GRID2: variants seen among roughly 807,000 people sequenced by gnomAD.
GRID2 encodes the protein glutamate receptor ionotropic, delta-2.
A neutral mutation model predicts 114.8 loss-of-function variants in GRID2; 33 were observed. The ratio of observed to expected loss-of-function variants is 0.29; its 90% CI spans 0.22 to 0.38. GRID2 has a LOEUF of 0.38. Among genes scored for constraint, GRID2 ranks in the 10% least tolerant of loss-of-function variants. The probability of loss-of-function intolerance (pLI) is 1.00; values close to 1 mark genes in which losing one functional copy is unlikely to be tolerated. For missense variants in GRID2, 1,184 were observed against 1,257.7 expected, an observed-to-expected ratio of 0.94 and a Z score of 0.89; for synonymous variants, 505 against 449.9, an observed-to-expected ratio of 1.12 and a Z score of -1.55.
intron 8 of GRID2, among the ~76,000 whole-genome samples, chr4:93,382,394 T>C (rs1449771046): frequency 6.6e-6 from 1 of 151,992 alleles, no homozygotes; most frequent in East Asian, 1.9e-4. Context: ...GTACCAATGG[T>C]TCCTTATTCT....
chr4:93,028,645 T>A (rs1724109723), intron 2 of GRID2, among the ~76,000 whole-genome samples: 1 of 152,084 alleles, frequency 6.6e-6, no homozygotes, highest in African/African-American at 2.4e-5. Flanking sequence ...CATTAGATCA[T>A]GTGTAATGAT....
chr4:93,018,004 A>G (rs577426657), intron 2 of GRID2, among the ~76,000 whole-genome samples: 8 of 151,296 alleles, frequency 5.3e-5, no homozygotes, highest in Non-Finnish European at 7.4e-5. Flanking sequence ...TTGGAGGATT[A>G]CAATCTAATT....
At chr4:92,450,733 CTCTT>C (rs1381113453) in intron 1 of GRID2, among the ~76,000 whole-genome samples, 4 of 151,164 alleles carry the variant, frequency 2.6e-5, no homozygotes, top group Admixed American at 6.6e-5. Context: ...TTAAATCTCT[CTCTT>C]TCTTTATGTT....
intron 1 of GRID2, among the ~76,000 whole-genome samples, chr4:92,576,496 C>T (rs1028639072): frequency 4.6e-5 from 7 of 152,116 alleles, no homozygotes; most frequent in Admixed American, 1.3e-4. Flanking sequence ...CTGCTCGGCT[C>T]CCTGGATTCA....
intron 2 of GRID2, among the ~76,000 whole-genome samples, chr4:92,703,989 G>T (rs528334766): frequency 5.0e-4 from 76 of 152,228 alleles, no homozygotes; most frequent in African/African-American, 1.6e-3. Context: ...AAAAATAAGA[G>T]AATTGGCCGG....
At chr4:92,662,673 G>C (rs1207290763) in intron 2 of GRID2, among the ~76,000 whole-genome samples, 1 of 151,094 alleles carries the variant, frequency 6.6e-6, no homozygotes, top group Non-Finnish European at 1.5e-5. Flanking sequence ...GCATGAAACA[G>C]AGCATACAAA....
intron 11 of GRID2, among the ~76,000 whole-genome samples, chr4:93,479,309 G>T (rs1725628438): frequency 6.6e-6 from 1 of 152,010 alleles, no homozygotes; most frequent in Non-Finnish European, 1.5e-5. Context: ...GCCTCAATTT[G>T]TAAAAATAAG....
chr4:93,059,198 A>G (rs1278477382), intron 2 of GRID2, among the ~76,000 whole-genome samples: 1 of 152,162 alleles, frequency 6.6e-6, no homozygotes, highest in Non-Finnish European at 1.5e-5. Flanking sequence ...ACAGAAACAT[A>G]ATTAAGGCAA....
At chr4:93,409,617 A>C (rs1407240959) in intron 9 of GRID2, among the ~76,000 whole-genome samples, 1 of 152,176 alleles carries the variant, frequency 6.6e-6, no homozygotes, top group East Asian at 1.9e-4. Context: ...ACTGAGAGAG[A>C]GATTTTGACA....
chr4:93,365,300 C>G (rs972185227), intron 8 of GRID2, among the ~76,000 whole-genome samples: 1 of 152,154 alleles, frequency 6.6e-6, no homozygotes, highest in African/African-American at 2.4e-5. Context: ...AGTGAAGCAT[C>G]TTTTGCCTCC....
chr4:93,475,540 A>G lies in GRID2; in HGVS notation c.1859-15099A>G, dbSNP rs1725240361. On this transcript the variant is annotated intron_variant, in intron 11 of 15. Transcript: ENST00000282020. ...AGGCTTAAAAATGTATTTTAGACTT[A>G]CTTTTGGCTCTTTTATCATTAAAAC... Among the ~76,000 whole-genome samples the G allele has an allele frequency of 3.3e-5, 5 of 152,234 alleles. No homozygotes were observed. The South Asian group carries it at 1.0e-3, about 32-fold the overall frequency.
At chr4:92,683,128 C>CCAT (rs1553916375) in intron 2 of GRID2, among the ~76,000 whole-genome samples, 53 of 152,038 alleles carry the variant, frequency 3.5e-4, no homozygotes, top group Non-Finnish European at 5.4e-4. Context: ...TGAAACCTTG[C>CCAT]CTCTACTAAA....
At chr4:92,372,865 T>G (rs1560592419) in intron 1 of GRID2, among the ~76,000 whole-genome samples, 1 of 152,134 alleles carries the variant, frequency 6.6e-6, no homozygotes, top group Non-Finnish European at 1.5e-5. Context: ...TCCAGAAAAT[T>G]TTAAATTATT....
chr4:92,559,728 C>G (rs184923013), intron 1 of GRID2, among the ~76,000 whole-genome samples: 1 of 152,218 alleles, frequency 6.6e-6, no homozygotes, highest in Non-Finnish European at 1.5e-5. Flanking sequence ...AAACATGGAT[C>G]AACTCCCCTT....
At chr4:93,336,616 G>A (rs1239296364) in intron 8 of GRID2, among the ~76,000 whole-genome samples, 3 of 152,148 alleles carry the variant, frequency 2.0e-5, no homozygotes, top group Non-Finnish European at 4.4e-5. Context: ...CCTAGGTGTT[G>A]ACAATTGCTC....
At chr4:92,736,580 A>G (rs1237505200) in intron 2 of GRID2, among the ~76,000 whole-genome samples, 1 of 152,102 alleles carries the variant, frequency 6.6e-6, no homozygotes, top group Non-Finnish European at 1.5e-5. Flanking sequence ...AAAATATGCC[A>G]TTACCAAATA....
chr4:92,662,610 T>A (rs1332167980), intron 2 of GRID2, among the ~76,000 whole-genome samples: 1 of 151,162 alleles, frequency 6.6e-6, no homozygotes, highest in African/African-American at 2.4e-5. Flanking sequence ...AGGTAAACTT[T>A]GAAGTGAATT....
chr4:92,439,198 C>G (rs974432564), intron 1 of GRID2, among the ~76,000 whole-genome samples: 7 of 151,906 alleles, frequency 4.6e-5, no homozygotes, highest in Non-Finnish European at 7.4e-5. Flanking sequence ...CCAGGATGAG[C>G]CAGGAAAAGG....
At chr4:93,628,038 G>A (rs1370759067) in intron 14 of GRID2, among the ~76,000 whole-genome samples, 3 of 152,158 alleles carry the variant, frequency 2.0e-5, no homozygotes, top group Non-Finnish European at 2.9e-5. Context: ...TCCAGGTGTG[G>A]TGGTGCATGC....
Sources: allele counts gnomAD v4.1 joint callset (sites outside exome capture counted in the v4.1 genomes callset), GRCh38; gene constraint gnomAD v4.1.1; transcripts MANE v1.5; gene names NCBI Gene and HGNC (gene_info 2026-07-23, HGNC 2026-07-21).